ADAMTS3: variants seen among roughly 807,000 people sequenced by gnomAD.
ADAMTS3 encodes the protein A disintegrin and metalloproteinase with thrombospondin motifs 3.
A neutral mutation model predicts 129.0 loss-of-function variants in ADAMTS3; 73 were observed. That is an observed-to-expected ratio of 0.57 (90% CI 0.47 to 0.69). ADAMTS3 has a LOEUF of 0.69. Among genes scored for constraint, ADAMTS3 ranks in the 30% least tolerant of loss-of-function variants. ADAMTS3 has a pLI of 0.00. For synonymous variants in ADAMTS3, 477 were observed against 510.8 expected (o/e 0.93, Z 0.89); for missense variants, 1,457 against 1,514.5 (o/e 0.96, Z 0.63).
intron 3 of ADAMTS3, among the ~76,000 whole-genome samples, chr4:72,534,248 A>T (rs1721130487): frequency 6.6e-6 from 1 of 151,880 alleles, no homozygotes; most frequent in African/African-American, 2.4e-5. Flanking sequence ...AATGGCGTGA[A>T]CCCGGGTGGC....
chr4:72,298,207 A>C (rs868788142), intron 18 of ADAMTS3, 70 bp downstream of exon 18: 1 of 1,341,022 alleles, frequency 7.5e-7, no homozygotes, highest in African/African-American at 1.4e-5. Context: ...AGAGACAGCA[A>C]TAAAGGTAGA....
chr4:72,473,240 T>C (rs1719127227), intron 3 of ADAMTS3, among the ~76,000 whole-genome samples: 1 of 151,958 alleles, frequency 6.6e-6, no homozygotes, highest in African/African-American at 2.4e-5. Flanking sequence ...ACCTTATATA[T>C]ATAACAAACA....
At chr4:72,365,625 A>T (rs374576284) in intron 4 of ADAMTS3, among the ~76,000 whole-genome samples, 16 of 152,254 alleles carry the variant, frequency 1.1e-4, no homozygotes, top group Admixed American at 7.8e-4. Context: ...TATAACATCA[A>T]TTTTCTGATA....
In ADAMTS3 at chr4:72,298,398, C is replaced by T. The variant is rs969173143; in HGVS notation, c.2469G>A (p.Lys823=). The T allele has an allele frequency of 1.6e-5, 25 of 1,612,218 alleles. No individual in the cohort carries two copies. The highest frequency in any genetic ancestry group is 1.7e-5 in the Non-Finnish European group (20 of 1,178,878). Reference sequence around the variant, plus strand: ...GTACAGAGTCTTCATGGATGATGTACTTATATGTCAGGCTAGAGCGGGTAT... The same window carrying T: ...GTACAGAGTCTTCATGGATGATGTATTTATATGTCAGGCTAGAGCGGGTAT... ...ENDTRSSLTY[K]YIIHEDSVPT... Residue 823 remains lysine (K), a synonymous_variant, in exon 18 of 22, where the codon AAG becomes AAA. Transcript: ENST00000286657.
At chr4:72,474,729 T>A (rs1719178033) in intron 3 of ADAMTS3, among the ~76,000 whole-genome samples, 1 of 152,092 alleles carries the variant, frequency 6.6e-6, no homozygotes, top group Non-Finnish European at 1.5e-5. Flanking sequence ...TATTAATAAA[T>A]CAAAATAGAA....
intron 3 of ADAMTS3, among the ~76,000 whole-genome samples, chr4:72,499,100 C>G (rs1416175127): frequency 6.6e-6 from 1 of 152,100 alleles, no homozygotes; most frequent in Non-Finnish European, 1.5e-5. Flanking sequence ...GCAAGCACCC[C>G]ATGTGAGACT....
chr4:72,537,702 A>C (rs1020934689), intron 3 of ADAMTS3, among the ~76,000 whole-genome samples: 2 of 152,218 alleles, frequency 1.3e-5, no homozygotes, highest in African/African-American at 4.8e-5. Context: ...TAGGTTCAGA[A>C]GCTCAATTTA....
intron 20 of ADAMTS3, 140 bp downstream of exon 20, chr4:72,290,715 T>C (rs1387003748): frequency 4.5e-6 from 4 of 886,516 alleles, no homozygotes; most frequent in Non-Finnish European, 6.9e-6. Flanking sequence ...TAATTTTTCC[T>C]AACACCTCCA....
chr4:72,444,893 C>T (rs1036454520), intron 3 of ADAMTS3, among the ~76,000 whole-genome samples: 1 of 151,714 alleles, frequency 6.6e-6, no homozygotes, highest in African/African-American at 2.4e-5. Context: ...CTGATGCATG[C>T]TACGACATGG....
At chr4:72,529,479 T>C (rs993224303) in intron 3 of ADAMTS3, among the ~76,000 whole-genome samples, 1 of 151,076 alleles carries the variant, frequency 6.6e-6, no homozygotes, top group East Asian at 1.9e-4. Flanking sequence ...CCTAGTTATA[T>C]ATTAGAATCA....
At chr4:72,431,622 T>C (rs1251938376) in intron 3 of ADAMTS3, among the ~76,000 whole-genome samples, 1 of 152,020 alleles carries the variant, frequency 6.6e-6, no homozygotes, top group African/African-American at 2.4e-5. Flanking sequence ...GTGTTTAGTC[T>C]TGGGTCTCAC....
At chr4:72,322,108 C>T (rs536535546) in intron 6 of ADAMTS3, among the ~76,000 whole-genome samples, 1 of 152,296 alleles carries the variant, frequency 6.6e-6, no homozygotes, top group East Asian at 1.9e-4. Context: ...GGATCACATA[C>T]TTTTCCAAAC....
intron 3 of ADAMTS3, among the ~76,000 whole-genome samples, chr4:72,538,125 G>C (rs6446833): frequency 0.65 from 99,144 of 151,954 alleles, 32,982 homozygotes; most frequent in African/African-American, 0.79. Flanking sequence ...GTGAACAGAG[G>C]CTAAAGGACC....
chr4:72,400,974 C>G (rs1184196959), intron 4 of ADAMTS3, among the ~76,000 whole-genome samples: 1 of 148,408 alleles, frequency 6.7e-6, no homozygotes. Context: ...TGTACACACA[C>G]TATGGTGCAA....
intron 11 of ADAMTS3, among the ~76,000 whole-genome samples, chr4:72,315,428 T>A (rs1038104680): frequency 2.6e-4 from 39 of 152,094 alleles, no homozygotes; most frequent in Admixed American, 1.6e-3. Flanking sequence ...ATTTGACCCA[T>A]AAAGATGAGG....
chr4:72,469,756 GA>G (rs913347114), intron 3 of ADAMTS3, among the ~76,000 whole-genome samples: 1 of 152,076 alleles, frequency 6.6e-6, no homozygotes, highest in African/African-American at 2.4e-5. Context: ...GGACAACAGG[GA>G]ATGAAAAGCT....
intron 3 of ADAMTS3, among the ~76,000 whole-genome samples, chr4:72,471,149 A>C (rs1719063127): frequency 6.6e-6 from 1 of 152,188 alleles, no homozygotes; most frequent in Non-Finnish European, 1.5e-5. Flanking sequence ...TGCCTTTTCA[A>C]GGAAAACAAC....
Position 72,283,528 on chromosome 4 carries a change from G to A in ADAMTS3, c.3226C>T (p.Pro1076Ser), listed in dbSNP as rs781595824. The change falls in exon 22 of 22, where the codon CCT (proline) becomes TCT (serine). Residue 1076 changes from proline to serine, a missense_variant. Pro to Ser is a moderately conservative substitution (Grantham distance 74). Coordinates refer to ENST00000286657, the MANE Select transcript of ADAMTS3 (RefSeq NM_014243.3). The part of the protein sequence containing the change: ...AETHDDVISN[P>S]SDLPRSLVMP... ...ACTAGAGATCTAGGGAGGTCACTAG[G>A]GTTAGAGATGACATCATCATGAGTT... is the stretch of plus-strand genomic sequence containing the variant. 6.2e-7 allele frequency: 1 copy of A among 1,613,996 alleles called. No homozygotes were observed. The highest frequency in any genetic ancestry group is 1.1e-5 in the South Asian group (1 of 91,076).
chr4:72,322,686 C>G (rs1214081717), intron 6 of ADAMTS3, among the ~76,000 whole-genome samples: 1 of 152,074 alleles, frequency 6.6e-6, no homozygotes, highest in South Asian at 2.1e-4. Flanking sequence ...AACACACACT[C>G]GATGATAACA....
Sources: gnomAD v4.1 joint callset for allele counts (sites outside exome capture counted in the v4.1 genomes callset) on GRCh38, gnomAD v4.1.1 for gene constraint, MANE v1.5 for transcripts, NCBI Gene and HGNC (gene_info 2026-07-23, HGNC 2026-07-21) for gene names.